The following ANKRD44 variants were observed in gnomAD, a reference collection of about 807,000 sequenced individuals.
ANKRD44 encodes the protein ankyrin repeat domain 44.
In ANKRD44, 35 loss-of-function variants were observed where a neutral mutation model predicts 116.0. That is an observed-to-expected ratio of 0.30 (90% CI 0.23 to 0.40). ANKRD44 has a LOEUF of 0.40. ANKRD44 is among the 10% of genes least tolerant of loss of function. ANKRD44 has a pLI of 1.00. For missense variants in ANKRD44, 1,014 were observed against 1,242.6 expected, an observed-to-expected ratio of 0.82 and a Z score of 2.77; for synonymous variants, 435 against 461.8, an observed-to-expected ratio of 0.94 and a Z score of 0.74.
At position 197,273,976 on chromosome 2, in the gene ANKRD44, AAAAAATATATATATATATATATAT is replaced by A. The variant is rs1229903264; in HGVS notation, c.27+36578_27+36601del. On this transcript the variant is annotated intron_variant, in intron 1 of 27. Transcript: ENST00000282272. The stretch of plus-strand genomic sequence containing the variant: ...AACCAACCACAAAAAAAAAAAAAAA[AAAAAATATATATATATATATATAT>A]ATATATATATATATATATATATATA... Among the ~76,000 whole-genome samples the A allele has an allele frequency of 5.6e-5, 3 of 53,488 alleles. 1 individual carries two copies. The East Asian group carries it at 1.4e-3, about 25-fold the overall frequency. 35.1% of individuals were successfully genotyped at this position (53,488 alleles called of 152,430 possible).
At chr2:196,982,332 C>T (rs1023642773), downstream of ANKRD44, among the ~76,000 whole-genome samples, 7 of 151,866 alleles carry the variant, frequency 4.6e-5, no homozygotes, top group East Asian at 1.9e-4. Flanking sequence ...GCAGAGTGGG[C>T]GCTGGTGAGC....
At chr2:197,248,289 A>G (rs1039524019) in intron 1 of ANKRD44, among the ~76,000 whole-genome samples, 20 of 142,584 alleles carry the variant, frequency 1.4e-4, no homozygotes, top group African/African-American at 5.1e-4. Flanking sequence ...ACCTGAATAG[A>G]AAAAAAAAGA....
At chr2:197,082,440 T>C (rs2077819620) in intron 14 of ANKRD44, among the ~76,000 whole-genome samples, 1 of 152,234 alleles carries the variant, frequency 6.6e-6, no homozygotes, top group African/African-American at 2.4e-5. Flanking sequence ...TAATGGGTTG[T>C]AGTCAGCAAG....
intron 4 of ANKRD44, among the ~76,000 whole-genome samples, chr2:197,129,560 G>A (rs932684191): frequency 6.6e-6 from 1 of 152,200 alleles, no homozygotes; most frequent in African/African-American, 2.4e-5. Context: ...CCTGTAGCAG[G>A]CTGTCCTATA....
chr2:197,256,043 G>A (rs959009858), intron 1 of ANKRD44, among the ~76,000 whole-genome samples: 4 of 152,142 alleles, frequency 2.6e-5, no homozygotes, highest in African/African-American at 9.7e-5. Flanking sequence ...TCTTAACAGG[G>A]GCTGTCTTTT....
rs1574221254 is a variant in ANKRD44 at position 196,987,697 on chromosome 2, A to C, written c.*1894T>G. The stretch of plus-strand genomic sequence containing the variant: ...ATAGCAGATTTTAGGCAATTTGGAG[A>C]TAGTAATGTATTTAGCAAAGACAGG... On this transcript the variant is annotated 3_prime_UTR_variant, in exon 28 of 28. Transcript: ENST00000282272. The C allele has an allele frequency of 5.1e-6, 5 of 985,288 alleles. No homozygotes were observed. The highest frequency in any genetic ancestry group is 6.0e-6 in the Non-Finnish European group (5 of 829,934). 61.0% of individuals were successfully genotyped at this position (985,288 alleles called of 1,614,324 possible). A position where few individuals can be genotyped will look rare whatever the true frequency, so the allele number is the denominator to read the frequency against.
chr2:197,049,497 A>C (rs1464032297), intron 16 of ANKRD44, among the ~76,000 whole-genome samples: 1 of 152,182 alleles, frequency 6.6e-6, no homozygotes, highest in Non-Finnish European at 1.5e-5. Context: ...ACACCTACAC[A>C]ATCAGACACT....
intron 27 of ANKRD44, 56 bp downstream of exon 27, chr2:196,993,527 G>A (rs2075957556): frequency 7.3e-7 from 1 of 1,379,246 alleles, no homozygotes; most frequent in Non-Finnish European, 1.0e-6. Context: ...CATTTCCTCT[G>A]GCTTCAACTA....
At chr2:197,156,340 C>T (rs568747073) in intron 2 of ANKRD44, among the ~76,000 whole-genome samples, 33 of 146,644 alleles carry the variant, frequency 2.3e-4, no homozygotes, top group African/African-American at 7.5e-4. Flanking sequence ...AGCGAGACTC[C>T]GTCTCAAAAA....
At chr2:197,285,461 A>C (rs1033363260) in intron 1 of ANKRD44, among the ~76,000 whole-genome samples, 4 of 152,202 alleles carry the variant, frequency 2.6e-5, no homozygotes, top group Non-Finnish European at 5.9e-5. Flanking sequence ...AACTTGCCAA[A>C]CTATGGGAAA....
Position 196,988,695 on chromosome 2 carries a change from T to C in ANKRD44, c.*896A>G, listed in dbSNP as rs1008333185. On this transcript the variant is annotated 3_prime_UTR_variant, in exon 28 of 28. Coordinates refer to ENST00000282272, the MANE Select transcript of ANKRD44 (RefSeq NM_001195144.2). ...TTTCCAGGGTGGAAATGGAACTCAT[T>C]ATAAAACGTCAGAGAGTACTGCTCT... 4.1e-6 allele frequency: 4 copies of C among 985,306 alleles called. No individual in the cohort carries two copies. In the African/African-American group the frequency reaches 5.2e-5, roughly 13 times the overall value. 61.0% of individuals were successfully genotyped at this position (985,306 alleles called of 1,614,324 possible).
chr2:197,169,498 G>A (rs2080175578), intron 2 of ANKRD44, among the ~76,000 whole-genome samples: 1 of 152,168 alleles, frequency 6.6e-6, no homozygotes. Context: ...AGCAGATTCT[G>A]TCAGTATATG....
intron 26 of ANKRD44, among the ~76,000 whole-genome samples, chr2:196,994,283 T>C (rs1210086597): frequency 6.6e-6 from 1 of 151,654 alleles, no homozygotes; most frequent in Non-Finnish European, 1.5e-5. Flanking sequence ...TCTGCTGGGC[T>C]CAAGTGATTC....
intron 16 of ANKRD44, among the ~76,000 whole-genome samples, chr2:197,060,623 T>A (rs926786127): frequency 3.9e-5 from 6 of 152,190 alleles, no homozygotes; most frequent in African/African-American, 1.4e-4. Context: ...GTACGTTAGA[T>A]CTTCAGAACT....
intron 1 of ANKRD44, among the ~76,000 whole-genome samples, chr2:197,254,341 G>GC (rs2082391238): frequency 6.6e-6 from 1 of 151,976 alleles, no homozygotes; most frequent in Non-Finnish European, 1.5e-5. Context: ...CTGAGAAAGC[G>GC]CCACTACACT....
chr2:197,248,761 G>A (rs966920102), intron 1 of ANKRD44, among the ~76,000 whole-genome samples: 1 of 151,970 alleles, frequency 6.6e-6, no homozygotes, highest in Non-Finnish European at 1.5e-5. Flanking sequence ...GGGGAGACGA[G>A]GGGGAGGAAG....
chr2:196,973,487 T>C (rs1364652905), intron 21 of ANKRD44, among the ~76,000 whole-genome samples: 2 of 152,148 alleles, frequency 1.3e-5, no homozygotes, highest in Non-Finnish European at 2.9e-5. Flanking sequence ...GCTTACAGTA[T>C]CTCCCCACGC....
intron 1 of ANKRD44, among the ~76,000 whole-genome samples, chr2:197,188,393 G>C (rs968698877): frequency 6.6e-6 from 1 of 152,214 alleles, no homozygotes; most frequent in Non-Finnish European, 1.5e-5. Context: ...CAAAGGTGTG[G>C]ATGTGCAAAG....
intron 4 of ANKRD44, chr2:197,133,847 G>T (rs369233379): frequency 6.6e-6 from 1 of 152,044 alleles, no homozygotes; most frequent in East Asian, 1.9e-4. Flanking sequence ...CCACAGGACA[G>T]CAATGTGCTT....
Sources: gnomAD v4.1 joint callset for allele counts (sites outside exome capture counted in the v4.1 genomes callset) on GRCh38, gnomAD v4.1.1 for gene constraint, MANE v1.5 for transcripts, NCBI Gene and HGNC (gene_info 2026-07-23, HGNC 2026-07-21) for gene names.